CCDC7: variants seen among roughly 807,000 people sequenced by gnomAD.
CCDC7 encodes coiled-coil domain containing 7, also known as coiled-coil domain-containing protein 7.
A neutral mutation model predicts 196.9 loss-of-function variants in CCDC7; 183 were observed. The observed-to-expected ratio is 0.93, with a 90% CI of 0.82 to 1.05. The LOEUF (loss-of-function observed/expected upper bound fraction) is 1.05. CCDC7 is among the 50% of genes least tolerant of loss of function. CCDC7 has a pLI of 0.00. For missense variants in CCDC7, 1,540 were observed against 1,482.2 expected, an observed-to-expected ratio of 1.04 and a Z score of -0.64; for synonymous variants, 525 against 484.6, an observed-to-expected ratio of 1.08 and a Z score of -1.10.
intron 18 of CCDC7, among the ~76,000 whole-genome samples, chr10:32,617,477 A>G (rs982624503): frequency 3.3e-5 from 5 of 151,536 alleles, no homozygotes; most frequent in African/African-American, 1.2e-4. Context: ...AGGTTTTGGT[A>G]TGTTGTGTTT....
chr10:32,725,789 G>C (rs1260852874), intron 25 of CCDC7, among the ~76,000 whole-genome samples: 1 of 151,624 alleles, frequency 6.6e-6, no homozygotes, highest in Non-Finnish European at 1.5e-5. Context: ...ACCATAGAGA[G>C]GGCACCAAGC....
intron 28 of CCDC7, among the ~76,000 whole-genome samples, chr10:32,761,303 A>G (rs992478206): frequency 1.3e-5 from 2 of 151,980 alleles, no homozygotes; most frequent in Non-Finnish European, 2.9e-5. Flanking sequence ...AAAGGAATAA[A>G]AGGGTATATG....
At chr10:32,832,709 C>T (rs990647002) in intron 32 of CCDC7, among the ~76,000 whole-genome samples, 1 of 151,802 alleles carries the variant, frequency 6.6e-6, no homozygotes, top group African/African-American at 2.4e-5. Flanking sequence ...AAACAAGTTT[C>T]CTCACATCAT....
intron 28 of CCDC7, among the ~76,000 whole-genome samples, chr10:32,739,712 G>T (rs1420757996): frequency 6.6e-6 from 1 of 151,288 alleles, no homozygotes; most frequent in Non-Finnish European, 1.5e-5. Flanking sequence ...TTGAAATCTA[G>T]ACATAATGTA....
chr10:32,475,733 CT>C (rs770813895), intron 8 of CCDC7, among the ~76,000 whole-genome samples: 2 of 152,134 alleles, frequency 1.3e-5, no homozygotes, highest in Non-Finnish European at 1.5e-5. Context: ...TACCTCCTGT[CT>C]TCTTCTCTGG....
chr10:32,584,435 C>T, intron 18 of CCDC7, 131 bp downstream of exon 19: 1 of 520,648 alleles, frequency 1.9e-6, no homozygotes, highest in Non-Finnish European at 3.3e-6. Flanking sequence ...CACTGGATAG[C>T]ATACAAATAT....
At chr10:32,629,022 A>G (rs988943823) in intron 18 of CCDC7, among the ~76,000 whole-genome samples, 3 of 152,134 alleles carry the variant, frequency 2.0e-5, no homozygotes, top group African/African-American at 7.2e-5. Context: ...CGCTTGATCT[A>G]AAGTATAGTT....
At chr10:32,860,021 CCAAA>C (rs1399265942) in intron 41 of CCDC7, among the ~76,000 whole-genome samples, 3 of 152,146 alleles carry the variant, frequency 2.0e-5, no homozygotes, top group Non-Finnish European at 4.4e-5. Context: ...TGAAACTATT[CCAAA>C]CAATAGAAAA....
At chr10:32,553,428 C>A (rs927658427) in intron 13 of CCDC7, among the ~76,000 whole-genome samples, 1 of 152,006 alleles carries the variant, frequency 6.6e-6, no homozygotes, top group Admixed American at 6.6e-5. Flanking sequence ...GCCGGGATTT[C>A]TTCTTGGTTT....
chr10:32,547,025 CTTCT>C (rs2052586805), intron 13 of CCDC7, among the ~76,000 whole-genome samples: 1 of 151,820 alleles, frequency 6.6e-6, no homozygotes, highest in Non-Finnish European at 1.5e-5. Flanking sequence ...CCTCCTCTTC[CTTCT>C]TTCTTCTTCT....
At chr10:32,451,772 A>G (rs1455475353) in exon 1 of CCDC7, 3 of 1,614,200 alleles carry the variant, frequency 1.9e-6, no homozygotes, top group Admixed American at 1.7e-5. Flanking sequence ...TGCAAAATTA[A>G]TTCATGATAA....
chr10:32,721,381 A>G (rs1478295101), intron 25 of CCDC7, among the ~76,000 whole-genome samples: 1 of 152,162 alleles, frequency 6.6e-6, no homozygotes, highest in African/African-American at 2.4e-5. Context: ...TGGTGCACAA[A>G]GAAGTTGCTG....
exon 11 of CCDC7, chr10:32,518,437 G>C (rs201853347): frequency 2.7e-5 from 44 of 1,602,952 alleles, no homozygotes; most frequent in Admixed American, 3.4e-5. Context: ...GATGCAGTGT[G>C]ATTTTCAGTT....
At chr10:32,833,479 C>T (rs1012297788) in intron 32 of CCDC7, among the ~76,000 whole-genome samples, 2 of 151,952 alleles carry the variant, frequency 1.3e-5, no homozygotes, top group South Asian at 2.1e-4. Flanking sequence ...TTCTCTAGCA[C>T]ATAATTTTGT....
At chr10:32,712,855 A>G (rs1226752369) in intron 25 of CCDC7, among the ~76,000 whole-genome samples, 3 of 152,198 alleles carry the variant, frequency 2.0e-5, no homozygotes, top group Non-Finnish European at 4.4e-5. Flanking sequence ...TACAGAGTTT[A>G]GGCACCTGAG....
chr10:32,705,288 A>G (rs1334785127), intron 24 of CCDC7, among the ~76,000 whole-genome samples: 1 of 152,078 alleles, frequency 6.6e-6, no homozygotes, highest in Non-Finnish European at 1.5e-5. Flanking sequence ...TGTCGCCACC[A>G]GGCCTGCCTT....
chr10:32,526,251 T>C (rs2048655598), intron 11 of CCDC7, among the ~76,000 whole-genome samples: 2 of 152,176 alleles, frequency 1.3e-5, no homozygotes, highest in Admixed American at 6.5e-5. Context: ...TTAAAGCTCA[T>C]GGTCTCTTCC....
chr10:32,627,438 T>C (rs536866457), intron 18 of CCDC7, among the ~76,000 whole-genome samples: 3 of 152,048 alleles, frequency 2.0e-5, no homozygotes, highest in African/African-American at 7.2e-5. Context: ...TTATGTATAA[T>C]ATTATATTGT....
chr10:32,535,654 G>A (rs2135980397), intron 11 of CCDC7, among the ~76,000 whole-genome samples: 1 of 152,264 alleles, frequency 6.6e-6, no homozygotes, highest in South Asian at 2.1e-4. Flanking sequence ...CTTATTATAC[G>A]AAATCTCATA....
Sources: allele counts gnomAD v4.1 joint callset (sites outside exome capture counted in the v4.1 genomes callset), GRCh38; gene constraint gnomAD v4.1.1; transcripts MANE v1.5; gene names NCBI Gene and HGNC (gene_info 2026-07-23, HGNC 2026-07-21).